Variants in PPP1R14C observed in about 807,000 individuals in gnomAD.
PPP1R14C encodes protein phosphatase 1 regulatory subunit 14C.
PPP1R14C carries 16 observed loss-of-function variants against 20.4 expected under a neutral mutation model. The observed-to-expected ratio is 0.78, with a 90% CI of 0.53 to 1.19. The LOEUF is 1.19. Among genes scored for constraint, PPP1R14C ranks in the 50% most tolerant of loss-of-function variants. The probability of loss-of-function intolerance (pLI) is 0.00; values close to 1 mark genes in which losing one functional copy is unlikely to be tolerated. For synonymous variants in PPP1R14C, 91 were observed against 91.0 expected (o/e 1.00, Z 0.00); for missense variants, 211 against 220.1 (o/e 0.96, Z 0.26).
At chr6:150,180,669 C>G (rs1306275287) in intron 1 of PPP1R14C, among the ~76,000 whole-genome samples, 1 of 152,150 alleles carries the variant, frequency 6.6e-6, no homozygotes, top group Non-Finnish European at 1.5e-5. Flanking sequence ...TGAGGTCCTT[C>G]CTGTGGTCAC....
intron 2 of PPP1R14C, among the ~76,000 whole-genome samples, chr6:150,215,282 C>T (rs1008516647): frequency 5.9e-5 from 9 of 152,148 alleles, no homozygotes; most frequent in Admixed American, 2.0e-4. Flanking sequence ...ATTTAGTAGA[C>T]GATCTGTTCA....
rs114541755 is a variant in PPP1R14C at position 150,190,321 on chromosome 6, A to G, written c.307-24423A>G. 8.2e-3 allele frequency among the ~76,000 whole-genome samples: 1,249 copies of G among 151,456 alleles called. 19 individuals carry two copies. Among genetic ancestry groups the G allele is most frequent in the African/African-American group, 0.029 (1,202 of 41,220 alleles). ...AGCCCAGCCCCTGATCTTCAACCCC[A>G]CTTTTCTCCACGGCACTTCCTCCCC... On this transcript the variant is annotated intron_variant, in intron 1 of 3. Coordinates refer to ENST00000361131, the MANE Select transcript of PPP1R14C (RefSeq NM_030949.3).
At chr6:150,248,141 C>T (rs971840780) in intron 3 of PPP1R14C, among the ~76,000 whole-genome samples, 1 of 152,102 alleles carries the variant, frequency 6.6e-6, no homozygotes, top group South Asian at 2.1e-4. Context: ...ACTCTGATGA[C>T]CTTATCTAAT....
At chr6:150,181,630 G>T (rs1023008269) in intron 1 of PPP1R14C, among the ~76,000 whole-genome samples, 5 of 152,112 alleles carry the variant, frequency 3.3e-5, no homozygotes, top group African/African-American at 1.2e-4. Flanking sequence ...ATCTTAATTA[G>T]GGAAAATGTC....
chr6:150,210,373 A>C (rs1040060077), intron 1 of PPP1R14C, among the ~76,000 whole-genome samples: 1 of 151,542 alleles, frequency 6.6e-6, no homozygotes, highest in African/African-American at 2.4e-5. Context: ...TCATCTCCAA[A>C]CTCCATCTGT....
chr6:150,143,084 T>G lies in PPP1R14C; in HGVS notation c.-109T>G. ...CTGGGCGCGCGCGGCGCAGAGCAGG[T>G]GCCGGGGAGCCCTTCGCATGCGGCT... On this transcript the variant is annotated 5_prime_UTR_variant, in exon 1 of 4. Coordinates refer to ENST00000361131, the MANE Select transcript of PPP1R14C (RefSeq NM_030949.3). This position sits in a 1 kb window ranked among gnomAD's most constrained non-coding sequence, Gnocchi z 5.6. The G allele has an allele frequency of 9.0e-7, 1 of 1,114,224 alleles. No homozygotes were observed. The highest frequency in any genetic ancestry group is 1.1e-6 in the Non-Finnish European group (1 of 917,796). The allele number at this position is 1,114,224 out of a possible 1,614,324, so 69.0% of individuals were successfully genotyped here. A position where few individuals can be genotyped will look rare whatever the true frequency, so the allele number is the denominator to read the frequency against.
intron 1 of PPP1R14C, among the ~76,000 whole-genome samples, chr6:150,147,635 G>A (rs1777194622): frequency 1.3e-5 from 2 of 152,146 alleles, no homozygotes; most frequent in African/African-American, 4.8e-5. Context: ...AATTTGCTTT[G>A]GAAATAAAAA....
intron 1 of PPP1R14C, among the ~76,000 whole-genome samples, chr6:150,184,776 G>GT (rs1645381713): frequency 6.6e-6 from 1 of 152,214 alleles, no homozygotes; most frequent in African/African-American, 2.4e-5. Flanking sequence ...GTCCTGGAGT[G>GT]TAAGACACAG....
At chr6:150,159,587 C>T (rs1777342453) in intron 1 of PPP1R14C, among the ~76,000 whole-genome samples, 1 of 151,854 alleles carries the variant, frequency 6.6e-6, no homozygotes, top group Non-Finnish European at 1.5e-5. Context: ...ATCCACCCAC[C>T]AGTCCCTTCG....
rs569111526 is a variant in PPP1R14C at position 150,204,248 on chromosome 6, G to A, written c.307-10496G>A. ...CGTCACTTATTTTCACTCGTCTTAC[G>A]AGGACCAACCTGCCGACTTTCTCGT... is the stretch of plus-strand genomic sequence containing the variant. On this transcript the variant is annotated intron_variant, in intron 1 of 3. Transcript: ENST00000361131. Among the ~76,000 whole-genome samples the A allele has an allele frequency of 6.0e-4, 92 of 152,284 alleles. 1 individual carries two copies. In the Middle Eastern group the frequency reaches 0.01, roughly 17 times the overall value.
intron 3 of PPP1R14C, among the ~76,000 whole-genome samples, chr6:150,238,477 G>C (rs915011605): frequency 2.0e-5 from 3 of 152,274 alleles, no homozygotes. Context: ...GTCTTTCGAG[G>C]CCTCTCAGAG....
At chr6:150,229,704 G>A (rs895571239) in intron 3 of PPP1R14C, among the ~76,000 whole-genome samples, 1 of 152,156 alleles carries the variant, frequency 6.6e-6, no homozygotes, top group South Asian at 2.1e-4. Context: ...AAAACAGGAT[G>A]TAGTTAAGAC....
intron 1 of PPP1R14C, among the ~76,000 whole-genome samples, chr6:150,175,156 A>G (rs575422968): frequency 1.5e-4 from 23 of 152,280 alleles, no homozygotes; most frequent in African/African-American, 5.5e-4. Flanking sequence ...GGGCTGTTCT[A>G]AGGCTTGCCC....
chr6:150,148,214 C>T (rs1013964814), intron 1 of PPP1R14C, among the ~76,000 whole-genome samples: 1 of 152,164 alleles, frequency 6.6e-6, no homozygotes, highest in East Asian at 1.9e-4. Context: ...GTACTTAGCA[C>T]GTACTAGGCA....
chr6:150,235,980 T>C (rs1778354890), intron 3 of PPP1R14C, among the ~76,000 whole-genome samples: 1 of 152,242 alleles, frequency 6.6e-6, no homozygotes, highest in Non-Finnish European at 1.5e-5. Flanking sequence ...CATTTTAGTT[T>C]AGTTTGTAAT....
chr6:150,149,753 A>G (rs1777224235), intron 1 of PPP1R14C, among the ~76,000 whole-genome samples: 1 of 152,118 alleles, frequency 6.6e-6, no homozygotes, highest in Non-Finnish European at 1.5e-5. Context: ...ATTCTCTATG[A>G]TGGAGACAGA....
intron 1 of PPP1R14C, among the ~76,000 whole-genome samples, chr6:150,205,172 G>C (rs1198730721): frequency 6.6e-6 from 1 of 152,038 alleles, no homozygotes; most frequent in Non-Finnish European, 1.5e-5. Flanking sequence ...AGAGAAACCT[G>C]CCTGGTGGGT....
At chr6:150,241,916 T>C (rs1295334420) in intron 3 of PPP1R14C, among the ~76,000 whole-genome samples, 2 of 152,064 alleles carry the variant, frequency 1.3e-5, no homozygotes, top group Non-Finnish European at 2.9e-5. Context: ...CAGAATTGAA[T>C]TGAATCGTAG....
chr6:150,152,549 T>A (rs1221158712), intron 1 of PPP1R14C, among the ~76,000 whole-genome samples: 1 of 151,992 alleles, frequency 6.6e-6, no homozygotes, highest in Non-Finnish European at 1.5e-5. Context: ...CTAAGGCAGC[T>A]CAGCAGGAGC....
Sources: gnomAD v4.1 joint callset for allele counts (sites outside exome capture counted in the v4.1 genomes callset) on GRCh38, gnomAD v4.1.1 for gene constraint, Gnocchi (gnomAD v3.1) non-coding constraint, MANE v1.5 for transcripts, NCBI Gene and HGNC (gene_info 2026-07-23, HGNC 2026-07-21) for gene names.